The following ZCCHC2 variants were observed in gnomAD, a reference collection of about 807,000 sequenced individuals.
ZCCHC2 encodes the protein zinc finger CCHC domain-containing protein 2.
Under a neutral mutation model 103.6 loss-of-function variants are expected in ZCCHC2, and 39 were observed. The observed-to-expected ratio is 0.38, with a 90% CI of 0.29 to 0.49. The LOEUF (loss-of-function observed/expected upper bound fraction) is 0.49, where lower values mean the gene tolerates loss of function less well. Ranked by LOEUF, ZCCHC2 falls within the 20% of genes least tolerant of loss-of-function variation. ZCCHC2 has a pLI of 0.96. For synonymous variants in ZCCHC2, 687 were observed against 608.9 expected (o/e 1.13, Z -1.89); for missense variants, 1,483 against 1,491.0 (o/e 0.99, Z 0.09).
chr18:62,524,762 C>G (rs1914281891), intron 1 of ZCCHC2: 1 of 191,760 alleles, frequency 5.2e-6, no homozygotes, highest in South Asian at 1.7e-4. Flanking sequence ...GAGAGCCAGC[C>G]GCAGTGAGCC....
At position 62,564,642 on chromosome 18, in the gene ZCCHC2, T is replaced by C. The variant is rs1305688055; in HGVS notation, c.1751+7T>C. 6.5e-7 allele frequency: 1 copy of C among 1,537,474 alleles called. No individual in the cohort carries two copies. Among genetic ancestry groups the C allele is most frequent in the East Asian group, 2.5e-5 (1 of 40,788 alleles). ...GAAAGCCACAAACAGAAAAGTAGGTTCAATTTAAGGAAAGACAGCATATAG... is the reference window on the plus strand; with the variant it reads ...GAAAGCCACAAACAGAAAAGTAGGTCCAATTTAAGGAAAGACAGCATATAG... On this transcript the variant is annotated splice_region_variant and intron_variant, in intron 10 of 13. Coordinates refer to ENST00000269499, the MANE Select transcript of ZCCHC2 (RefSeq NM_017742.6).
intron 1 of ZCCHC2, among the ~76,000 whole-genome samples, chr18:62,527,446 C>T (rs781547460): frequency 5.3e-5 from 8 of 152,058 alleles, no homozygotes; most frequent in Non-Finnish European, 1.2e-4. Context: ...ACTTTTTAGG[C>T]TACATTGGAA....
At chr18:62,536,002 A>G (rs1210965161) in intron 1 of ZCCHC2, among the ~76,000 whole-genome samples, 1 of 152,246 alleles carries the variant, frequency 6.6e-6, no homozygotes, top group African/African-American at 2.4e-5. Context: ...AGGGACTACA[A>G]GAACCATGTA....
At position 62,574,454 on chromosome 18, in the gene ZCCHC2, C is replaced by A. The variant is rs747727036; in HGVS notation, c.2373C>A (p.Ser791=). The A allele has an allele frequency of 1.6e-5, 26 of 1,613,954 alleles. 1 individual carries two copies. In the South Asian group the frequency reaches 2.9e-4, roughly 18 times the overall value. ...AAAAGCACCTTGAGTTACTGGCTTC[C>A]CCTTTACCTATTCCATCAACCTTCC... is the stretch of plus-strand genomic sequence containing the variant. ...ESEKHLELLA[S]PLPIPSTFLP... is the part of the protein sequence containing the mutation. The change falls in exon 13 of 14, where the codon TCC becomes TCA. Residue 791 remains serine (S), a synonymous_variant. Coordinates refer to ENST00000269499, the MANE Select transcript of ZCCHC2 (RefSeq NM_017742.6).
intron 7 of ZCCHC2, 73 bp downstream of exon 7, chr18:62,558,843 G>C: frequency 3.1e-6 from 3 of 974,144 alleles, no homozygotes; most frequent in Non-Finnish European, 4.5e-6. Context: ...AAGGAGTGAA[G>C]AAACTGACAT....
intron 3 of ZCCHC2, among the ~76,000 whole-genome samples, chr18:62,543,714 G>T (rs114684589): frequency 6.6e-6 from 1 of 152,046 alleles, no homozygotes; most frequent in South Asian, 2.1e-4. Context: ...GCATCTCTCC[G>T]TTCTTGTACC....
Position 62,576,547 on chromosome 18 carries a change from C to G in ZCCHC2, c.3505C>G (p.Pro1169Ala), listed in dbSNP as rs745813308. 6.2e-6 allele frequency: 10 copies of G among 1,613,736 alleles called. No homozygotes were observed. The East Asian group carries it at 1.1e-4, about 18-fold the overall frequency. ...YRLRYAPPLP[P>A]SNDTLDSAD is the part of the protein sequence containing the mutation. ...ACTGAGATACGCACCTCCCCTCCCC[C>G]CTTCTAATGATACGTTGGATTCTGC... Residue 1169 changes from proline (P) to alanine (A), a missense_variant, in exon 14 of 14, where the codon CCT (proline) becomes GCT (alanine). This residue lies in a region of ZCCHC2 where 884 missense variants were observed against 907.5 expected (regional missense o/e 0.97). Transcript: ENST00000269499.
intron 1 of ZCCHC2, among the ~76,000 whole-genome samples, chr18:62,534,163 T>C (rs749063453): frequency 3.9e-4 from 60 of 152,186 alleles, no homozygotes; most frequent in Non-Finnish European, 2.8e-4. Flanking sequence ...TAAAAAAAAT[T>C]AGCCTGGCAT....
At chr18:62,526,802 C>G (rs963447714) in intron 1 of ZCCHC2, 5 of 151,900 alleles carry the variant, frequency 3.3e-5, no homozygotes, top group African/African-American at 1.2e-4. Flanking sequence ...CCGCCCCCGC[C>G]CTGCAAGATG....
At chr18:62,585,472 C>T (rs1386061972) in exon 15 of ZCCHC2, 7 of 152,256 alleles carry the variant, frequency 4.6e-5, no homozygotes, top group Admixed American at 3.3e-4. Flanking sequence ...AACAACAAGC[C>T]CTGCTGAAGG....
At chr18:62,543,385 C>G (rs772787547) in intron 3 of ZCCHC2, among the ~76,000 whole-genome samples, 2 of 152,184 alleles carry the variant, frequency 1.3e-5, no homozygotes, top group Non-Finnish European at 2.9e-5. Context: ...CTTCATTCTT[C>G]ATCCTCAGCC....
intron 2 of ZCCHC2, 82 bp from the exon 3 acceptor site, chr18:62,542,416 C>A: frequency 9.5e-7 from 1 of 1,050,542 alleles, no homozygotes; most frequent in South Asian, 1.6e-5. Context: ...AAGCACTTGT[C>A]AACTTTTAGG....
At chr18:62,554,645 T>A (rs568033376) in intron 5 of ZCCHC2, among the ~76,000 whole-genome samples, 1 of 152,352 alleles carries the variant, frequency 6.6e-6, no homozygotes, top group Non-Finnish European at 1.5e-5. Flanking sequence ...ATATCTGGGC[T>A]GTTGCCTGGG....
In ZCCHC2 at chr18:62,574,188, C is replaced by T. The variant is rs1415671110; in HGVS notation, c.2107C>T (p.Leu703Phe). ...IASLGNENGNLLEDPLNSPKY... is the reference protein window; with the variant it reads ...IASLGNENGNFLEDPLNSPKY... Reference sequence around the variant, plus strand: ...TTCACTAGGAAATGAGAATGGAAACCTTTTAGAAGATCCCTTAAACTCACC... The same window carrying T: ...TTCACTAGGAAATGAGAATGGAAACTTTTTAGAAGATCCCTTAAACTCACC... The change falls in exon 13 of 14, where the codon CTT becomes TTT. Residue 703 changes from leucine (L) to phenylalanine (F), a missense_variant. Leu to Phe is a conservative substitution (Grantham distance 22). Coordinates refer to ENST00000269499, the MANE Select transcript of ZCCHC2 (RefSeq NM_017742.6). 2.5e-6 allele frequency: 4 copies of T among 1,614,000 alleles called. No individual in the cohort carries two copies. The highest frequency in any genetic ancestry group is 3.3e-5 in the Admixed American group (2 of 60,020).
chr18:62,574,753 C>A lies in ZCCHC2; in HGVS notation c.2672C>A (p.Thr891Lys), dbSNP rs994554081. 7 of 1,614,014 alleles carry A rather than the reference C, an allele frequency of 4.3e-6. No individual in the cohort carries two copies. The highest frequency in any genetic ancestry group is 5.9e-6 in the Non-Finnish European group (7 of 1,179,892). The change falls in exon 13 of 14, where the codon ACA (threonine) becomes AAA (lysine). Residue 891 changes from threonine to lysine, a missense_variant. Thr to Lys is a moderately conservative substitution (Grantham distance 78, BLOSUM62 -1). Around this residue, in one of 3 missense-constraint regions of ZCCHC2, gnomAD observed 884 missense variants for 907.5 expected, o/e 0.97. Coordinates refer to ENST00000269499, the MANE Select transcript of ZCCHC2 (RefSeq NM_017742.6). ...CCTCAAATTGAGGGAAACACAGGGA[C>A]AGTCCCTCAGCCTACCAATGTGAAG... is the stretch of plus-strand genomic sequence containing the variant. ...MVPQIEGNTG[T>K]VPQPTNVKVV...
chr18:62,558,243 C>T (rs954871191), intron 6 of ZCCHC2, among the ~76,000 whole-genome samples: 1 of 152,070 alleles, frequency 6.6e-6, no homozygotes, highest in Non-Finnish European at 1.5e-5. Flanking sequence ...TGTTCTGTAA[C>T]ACGAGAACAG....
chr18:62,526,904 G>A (rs1406248850), intron 1 of ZCCHC2: 1 of 151,802 alleles, frequency 6.6e-6, no homozygotes, highest in African/African-American at 2.4e-5. Context: ...CTTTGGGCTA[G>A]CGCCGGAGAC....
At chr18:62,533,047 C>T (rs1204144527) in intron 1 of ZCCHC2, among the ~76,000 whole-genome samples, 2 of 152,106 alleles carry the variant, frequency 1.3e-5, no homozygotes, top group African/African-American at 4.8e-5. Context: ...CACTGCACTC[C>T]AGCCTGGGTA....
chr18:62,568,103 G>A lies in ZCCHC2; in HGVS notation c.1847-2000G>A, dbSNP rs77516620. On this transcript the variant is annotated intron_variant, in intron 11 of 13. Transcript: ENST00000269499. Reference sequence around the variant, plus strand: ...AAAGATTTAGAAGGTCTCTAGCTTCGTTTAATATCCCAGATGAAATATGTG... The same window carrying A: ...AAAGATTTAGAAGGTCTCTAGCTTCATTTAATATCCCAGATGAAATATGTG... Among the ~76,000 whole-genome samples the A allele has an allele frequency of 9.5e-3, 1,450 of 152,086 alleles. 16 individuals are homozygous for A. Among genetic ancestry groups the A allele is most frequent in the African/African-American group, 0.033 (1,387 of 41,464 alleles).
Sources: allele counts gnomAD v4.1 joint callset (sites outside exome capture counted in the v4.1 genomes callset), GRCh38; gene constraint gnomAD v4.1.1; regional missense constraint gnomAD v4.1.1; transcripts MANE v1.5; gene names NCBI Gene and HGNC (gene_info 2026-07-23, HGNC 2026-07-21).